Variants in PRP4K observed in about 807,000 individuals in gnomAD.
PRP4K encodes the protein pre-mRNA processing factor kinase PRP4K.
chr6:4,022,154 A>C, the PRP4K span, among the ~76,000 whole-genome samples: 1 of 92,054 alleles, frequency 1.1e-5, no homozygotes, highest in African/African-American at 4.6e-5. Context: ...GAGGCCTGGC[A>C]TTTTTTTTTT....
At chr6:4,024,691 G>A in the PRP4K span, among the ~76,000 whole-genome samples, 7 of 152,012 alleles carry the variant, frequency 4.6e-5, no homozygotes, top group African/African-American at 9.7e-5. Flanking sequence ...CAACCTCTGC[G>A]TCCCAGGTTC....
the PRP4K span, chr6:4,061,963 T>C: frequency 1.3e-5 from 2 of 152,656 alleles, no homozygotes; most frequent in South Asian, 4.1e-4. Flanking sequence ...AGGTAAACCA[T>C]AAATAGTTAA....
chr6:4,029,322 T>TA, the PRP4K span, among the ~76,000 whole-genome samples: 9 of 149,096 alleles, frequency 6.0e-5, no homozygotes, highest in African/African-American at 2.2e-4. Flanking sequence ...ACTCATTCTC[T>TA]AGGGCGGTGT....
the PRP4K span, among the ~76,000 whole-genome samples, chr6:4,036,711 C>T: frequency 2.0e-5 from 3 of 151,856 alleles, no homozygotes; most frequent in African/African-American, 4.8e-5. Context: ...GATTTTTGCC[C>T]GGGCATGGTG....
chr6:4,021,478 C>T, the PRP4K span: 3 of 1,577,482 alleles, frequency 1.9e-6, no homozygotes, highest in Admixed American at 1.9e-5. Flanking sequence ...TAAGTAGTCT[C>T]TGTGAGTGGG....
the PRP4K span, among the ~76,000 whole-genome samples, chr6:4,047,901 TACACACACACACACACACACACACAC>T: frequency 1.1e-4 from 15 of 142,116 alleles, no homozygotes; most frequent in Admixed American, 2.8e-4. Context: ...CATGTATATG[TACACACACACACACACACACACACAC>T]ACACACACAC....
At chr6:4,032,869 AAGT>A in the PRP4K span, 2 of 1,189,452 alleles carry the variant, frequency 1.7e-6, no homozygotes, top group Non-Finnish European at 2.2e-6. Flanking sequence ...AAAATAAATG[AAGT>A]AGTAATGAGT....
chr6:4,053,407 C>A, the PRP4K span, among the ~76,000 whole-genome samples: 8 of 152,056 alleles, frequency 5.3e-5, no homozygotes, highest in African/African-American at 4.8e-5. Context: ...AAACTTGTGT[C>A]ATGGAGGGTT....
the PRP4K span, among the ~76,000 whole-genome samples, chr6:4,033,516 G>A: frequency 6.6e-6 from 1 of 152,048 alleles, no homozygotes; most frequent in African/African-American, 2.4e-5. Flanking sequence ...TTTGCGGGGA[G>A]GAGTGTTTAT....
chr6:4,028,633 A>G, the PRP4K span, among the ~76,000 whole-genome samples: 1 of 152,154 alleles, frequency 6.6e-6, no homozygotes, highest in Non-Finnish European at 1.5e-5. Context: ...AGTCAACCCA[A>G]ATTAAAACCT....
chr6:4,040,674 A>G, the PRP4K span: 1 of 1,281,172 alleles, frequency 7.8e-7, no homozygotes, highest in Non-Finnish European at 1.1e-6. Context: ...AATTGAGTAG[A>G]AAGTAGAATT....
the PRP4K span, among the ~76,000 whole-genome samples, chr6:4,046,937 C>T: frequency 2.0e-5 from 3 of 152,186 alleles, no homozygotes; most frequent in Non-Finnish European, 2.9e-5. Context: ...GGATTACAGG[C>T]GTAAGCCACC....
At chr6:4,049,717 A>C in the PRP4K span, 3 of 1,600,426 alleles carry the variant, frequency 1.9e-6, no homozygotes, top group African/African-American at 1.3e-5. Flanking sequence ...CTAATTTTTC[A>C]ATTTGCCTTT....
At chr6:4,044,083 A>G in the PRP4K span, 7 of 1,499,224 alleles carry the variant, frequency 4.7e-6, 1 homozygote, top group South Asian at 8.1e-5. Context: ...TAACTTTATA[A>G]TAAGAGACGT....
the PRP4K span, chr6:4,056,840 A>T: frequency 3.7e-6 from 4 of 1,090,506 alleles, no homozygotes; most frequent in Non-Finnish European, 5.1e-6. Context: ...CTACACCTCC[A>T]TTTTTTAAGG....
chr6:4,049,046 A>C, the PRP4K span: 1 of 1,613,090 alleles, frequency 6.2e-7, no homozygotes, highest in Admixed American at 1.7e-5. Flanking sequence ...TGGCATTGGA[A>C]AAGATTTCAA....
At chr6:4,032,764 T>C in the PRP4K span, 41 of 1,545,616 alleles carry the variant, frequency 2.7e-5, no homozygotes, top group Non-Finnish European at 3.6e-5. Flanking sequence ...AGGTAACTTG[T>C]GTACAAAATG....
the PRP4K span, among the ~76,000 whole-genome samples, chr6:4,026,084 C>T: frequency 2.6e-5 from 4 of 152,204 alleles, no homozygotes; most frequent in Non-Finnish European, 5.9e-5. Context: ...TCACCACAAC[C>T]TCCGCCTCCT....
At chr6:4,063,775 C>T in the PRP4K span, 2 of 152,266 alleles carry the variant, frequency 1.3e-5, no homozygotes, top group Non-Finnish European at 2.9e-5. Context: ...GCAAGACCTA[C>T]TAGATTGAAT....
Sources: gnomAD v4.1 joint callset for allele counts (sites outside exome capture counted in the v4.1 genomes callset) on GRCh38, gnomAD v4.1.1 for gene constraint, MANE v1.5 for transcripts, NCBI Gene and HGNC (gene_info 2026-07-23, HGNC 2026-07-21) for gene names.